The following OSBPL9 variants were observed in gnomAD, a reference collection of about 807,000 sequenced individuals.
OSBPL9 encodes oxysterol binding protein like 9, also known as oxysterol-binding protein-related protein 9.
In OSBPL9, 40 loss-of-function variants were observed where a neutral mutation model predicts 106.6. The ratio of observed to expected loss-of-function variants is 0.38; its 90% confidence interval spans 0.29 to 0.49. The LOEUF (loss-of-function observed/expected upper bound fraction) is 0.49. OSBPL9 is among the 20% of genes least tolerant of loss of function. The pLI is 0.97. For missense variants in OSBPL9, 609 were observed against 887.2 expected, an observed-to-expected ratio of 0.69 and a Z score of 3.98; for synonymous variants, 269 against 295.4, an observed-to-expected ratio of 0.91 and a Z score of 0.92.
chr1:51,628,680 T>C (rs1644919701), intron 1 of OSBPL9, among the ~76,000 whole-genome samples: 1 of 151,030 alleles, frequency 6.6e-6, no homozygotes, highest in Non-Finnish European at 1.5e-5. Flanking sequence ...ATCTTTCTTT[T>C]TTTCTTTTTT....
At chr1:51,773,941 C>CTCTGTTGTTGTT (rs901406229) in intron 14 of OSBPL9, among the ~76,000 whole-genome samples, 6 of 148,966 alleles carry the variant, frequency 4.0e-5, no homozygotes, top group African/African-American at 1.5e-4. Context: ...CAGCTGCTGG[C>CTCTGTTGTTGTT]GTTGTTGTTG....
At chr1:51,627,676 T>G (rs1644848721) in intron 1 of OSBPL9, among the ~76,000 whole-genome samples, 1 of 152,228 alleles carries the variant, frequency 6.6e-6, no homozygotes, top group Non-Finnish European at 1.5e-5. Flanking sequence ...CATTAATGTA[T>G]TAACATGTTC....
intron 1 of OSBPL9, among the ~76,000 whole-genome samples, chr1:51,618,132 C>T (rs191313896): frequency 6.6e-6 from 1 of 152,222 alleles, no homozygotes; most frequent in East Asian, 1.9e-4. Flanking sequence ...ATTCTCCTGC[C>T]TCTGGCCTCC....
chr1:51,559,661 G>A, the OSBPL9 span, among the ~76,000 whole-genome samples: 1 of 152,294 alleles, frequency 6.6e-6, no homozygotes, highest in South Asian at 2.1e-4. Flanking sequence ...GCTTACAGAG[G>A]TTGATAGAAC....
intron 4 of OSBPL9, among the ~76,000 whole-genome samples, chr1:51,740,825 A>G (rs1253047866): frequency 6.6e-6 from 1 of 152,028 alleles, no homozygotes; most frequent in Non-Finnish European, 1.5e-5. Context: ...GGACTCAAGA[A>G]CTTCACCTTT....
chr1:51,784,385 C>G, intron 19 of OSBPL9, 57 bp from the exon 20 acceptor site: 1 of 1,611,016 alleles, frequency 6.2e-7, no homozygotes, highest in Non-Finnish European at 8.5e-7. Context: ...TGAGACATGC[C>G]CCTTCCCCCT....
the OSBPL9 span, among the ~76,000 whole-genome samples, chr1:51,564,353 T>C: frequency 6.6e-6 from 1 of 152,090 alleles, no homozygotes; most frequent in Non-Finnish European, 1.5e-5. Context: ...CCCACAATCA[T>C]GGGCCCTTAT....
chr1:51,734,826 CT>C lies in OSBPL9; in HGVS notation c.319-10707del, dbSNP rs143965144. On this transcript the variant is annotated intron_variant, in intron 4 of 23. Coordinates refer to ENST00000428468, the MANE Select transcript of OSBPL9 (RefSeq NM_024586.6). ...CTGGTAGTCTCCACCCCTTGGTCGC[CT>C]TTCCCCCCCAAACCCTAGTACTTAT... Among the ~76,000 whole-genome samples, 1,499 of 152,228 alleles carry C rather than the reference CT, an allele frequency of 9.8e-3. 10 individuals carry two copies. Among genetic ancestry groups the C allele is most frequent in the Non-Finnish European group, 0.014 (983 of 68,010 alleles).
intron 2 of OSBPL9, among the ~76,000 whole-genome samples, chr1:51,598,411 C>G (rs945847903): frequency 6.6e-6 from 1 of 152,210 alleles, no homozygotes; most frequent in Non-Finnish European, 1.5e-5. Flanking sequence ...TTTTCAATAT[C>G]AGCACTATTG....
upstream of OSBPL9, among the ~76,000 whole-genome samples, chr1:51,615,953 C>CA (rs1318025727): frequency 1.3e-5 from 2 of 151,010 alleles, no homozygotes; most frequent in African/African-American, 4.9e-5. Context: ...GCTGTATTCC[C>CA]AGGACCTCCA....
chr1:51,614,245 T>C (rs955487933), upstream of OSBPL9: 4 of 152,332 alleles, frequency 2.6e-5, no homozygotes, highest in Admixed American at 6.5e-5. Context: ...ATTTACTTCT[T>C]TTTCAAATTT....
intron 4 of OSBPL9, among the ~76,000 whole-genome samples, chr1:51,733,113 G>A (rs1351585739): frequency 1.3e-5 from 2 of 152,146 alleles, no homozygotes; most frequent in African/African-American, 4.8e-5. Flanking sequence ...ACTCTTGTGT[G>A]TGCTACTACA....
chr1:51,648,694 A>G (rs956687674), intron 1 of OSBPL9, among the ~76,000 whole-genome samples: 2 of 152,238 alleles, frequency 1.3e-5, no homozygotes, highest in Non-Finnish European at 2.9e-5. Flanking sequence ...CCGGACAGGC[A>G]TCTCCAACTG....
chr1:51,586,375 C>A (rs992153529), intron 1 of OSBPL9, among the ~76,000 whole-genome samples: 1 of 151,880 alleles, frequency 6.6e-6, no homozygotes, highest in Non-Finnish European at 1.5e-5. Context: ...GACATTAGGT[C>A]ATAAACATTT....
chr1:51,612,772 T>G (rs555450191), upstream of OSBPL9, among the ~76,000 whole-genome samples: 2 of 152,350 alleles, frequency 1.3e-5, no homozygotes, highest in South Asian at 4.1e-4. Flanking sequence ...AGACATTTAT[T>G]TACTACACTT....
the OSBPL9 span, among the ~76,000 whole-genome samples, chr1:51,522,878 T>C: frequency 1.3e-5 from 2 of 152,266 alleles, no homozygotes; most frequent in East Asian, 3.9e-4. Context: ...TAAGATACCA[T>C]TCTTCAAGAT....
At chr1:51,582,209 G>T (rs1209426491) in intron 1 of OSBPL9, among the ~76,000 whole-genome samples, 1 of 152,178 alleles carries the variant, frequency 6.6e-6, no homozygotes, top group Non-Finnish European at 1.5e-5. Context: ...ATTGTTAACT[G>T]ATGTATTAAT....
intron 2 of OSBPL9, among the ~76,000 whole-genome samples, chr1:51,659,627 C>A (rs185874809): frequency 6.6e-6 from 1 of 151,506 alleles, no homozygotes; most frequent in Non-Finnish European, 1.5e-5. Flanking sequence ...ATAAAATAAA[C>A]CCTGGTTAGA....
At chr1:51,724,065 GC>G (rs371842549) in intron 4 of OSBPL9, among the ~76,000 whole-genome samples, 11 of 152,122 alleles carry the variant, frequency 7.2e-5, no homozygotes, top group African/African-American at 2.7e-4. Flanking sequence ...TTGTGCCTTG[GC>G]CTCCCAAGTA....
Sources: allele counts gnomAD v4.1 joint callset (sites outside exome capture counted in the v4.1 genomes callset), GRCh38; gene constraint gnomAD v4.1.1; transcripts MANE v1.5; gene names NCBI Gene and HGNC (gene_info 2026-07-23, HGNC 2026-07-21).